EXOC4: variants seen among roughly 807,000 people sequenced by gnomAD.
The protein encoded by EXOC4 is exocyst complex component 4.
Under a neutral mutation model 107.2 loss-of-function variants are expected in EXOC4, and 71 were observed. That is an observed-to-expected ratio of 0.66 (90% CI 0.55 to 0.81). EXOC4 has a LOEUF of 0.81. Ranked by LOEUF, EXOC4 falls within the 30% of genes least tolerant of loss-of-function variation. EXOC4 has a pLI of 0.00. For missense variants in EXOC4, 1,108 were observed against 1,189.6 expected, an observed-to-expected ratio of 0.93 and a Z score of 1.01; for synonymous variants, 456 against 441.2, an observed-to-expected ratio of 1.03 and a Z score of -0.42.
chr7:133,983,513 CTGTT>C (rs957975112), intron 14 of EXOC4, among the ~76,000 whole-genome samples: 29 of 152,110 alleles, frequency 1.9e-4, no homozygotes, highest in Admixed American at 1.3e-4. Flanking sequence ...TGCTTTATTT[CTGTT>C]TGGTTCAGTT....
chr7:133,742,851 A>G (rs552855047), intron 10 of EXOC4, among the ~76,000 whole-genome samples: 1 of 152,206 alleles, frequency 6.6e-6, no homozygotes. Context: ...AATATGTGTT[A>G]AAAATACGGG....
chr7:133,923,329 A>G (rs1799981230), intron 13 of EXOC4, among the ~76,000 whole-genome samples: 1 of 151,972 alleles, frequency 6.6e-6, no homozygotes, highest in South Asian at 2.1e-4. Flanking sequence ...GGGTTTCACC[A>G]TATTGGCCAG....
chr7:133,708,610 C>T (rs972951220), intron 10 of EXOC4, among the ~76,000 whole-genome samples: 3 of 152,008 alleles, frequency 2.0e-5, no homozygotes, highest in Admixed American at 6.6e-5. Flanking sequence ...GGGTTCTTCC[C>T]GTTCATTCTC....
chr7:133,561,860 G>A (rs1485768829), intron 9 of EXOC4, among the ~76,000 whole-genome samples: 1 of 152,230 alleles, frequency 6.6e-6, no homozygotes, highest in African/African-American at 2.4e-5. Flanking sequence ...CCCGCTTTGC[G>A]CCCTGAACTG....
rs189040926 is a variant in EXOC4 at position 133,986,338 on chromosome 7, G to A, written c.2207-11154G>A. Among the ~76,000 whole-genome samples, 36 of 152,328 alleles carry A rather than the reference G, an allele frequency of 2.4e-4. 1 individual carries two copies. The highest frequency in any genetic ancestry group is 2.2e-3 in the Admixed American group (33 of 15,292). ...TTTCTTAGATAAGGCCCATCCTTAT[G>A]TAGAAACATAGCAAAAGAACTTAAA... is the stretch of plus-strand genomic sequence containing the variant. On this transcript the variant is annotated intron_variant, in intron 14 of 17. Transcript: ENST00000253861.
intron 5 of EXOC4, among the ~76,000 whole-genome samples, chr7:133,356,008 A>G (rs1486997788): frequency 1.3e-5 from 2 of 152,184 alleles, no homozygotes; most frequent in Non-Finnish European, 2.9e-5. Flanking sequence ...ATGGCATTTT[A>G]TAAACAGCGA....
intron 5 of EXOC4, among the ~76,000 whole-genome samples, chr7:133,351,815 CTA>C (rs1795917539): frequency 6.6e-6 from 1 of 151,854 alleles, no homozygotes; most frequent in South Asian, 2.1e-4. Flanking sequence ...GCATTTATAA[CTA>C]TAAATTTCTC....
At chr7:133,852,103 T>C (rs530504379) in intron 11 of EXOC4, among the ~76,000 whole-genome samples, 1 of 152,326 alleles carries the variant, frequency 6.6e-6, no homozygotes, top group South Asian at 2.1e-4. Context: ...TCAAGCCTTA[T>C]TAGAATAATG....
intron 14 of EXOC4, among the ~76,000 whole-genome samples, chr7:133,956,188 T>G (rs1390710757): frequency 6.6e-6 from 1 of 152,200 alleles, no homozygotes; most frequent in East Asian, 1.9e-4. Context: ...TGTTCTTTTT[T>G]TTTTCTTTGT....
At chr7:133,335,140 T>A (rs2150612890) in intron 5 of EXOC4, among the ~76,000 whole-genome samples, 3 of 152,332 alleles carry the variant, frequency 2.0e-5, no homozygotes, top group East Asian at 3.9e-4. Flanking sequence ...AGAAGAGGGA[T>A]AGCTCAATCA....
At chr7:133,585,026 T>A (rs1162471470) in intron 9 of EXOC4, among the ~76,000 whole-genome samples, 1 of 152,236 alleles carries the variant, frequency 6.6e-6, no homozygotes, top group Middle Eastern at 3.2e-3. Flanking sequence ...TAATTTATTT[T>A]TTTGAATGTA....
chr7:133,494,735 A>G (rs1799440521), intron 9 of EXOC4, among the ~76,000 whole-genome samples: 1 of 152,176 alleles, frequency 6.6e-6, no homozygotes, highest in African/African-American at 2.4e-5. Flanking sequence ...ATTCTAACCA[A>G]TTGAAATCCT....
intron 10 of EXOC4, among the ~76,000 whole-genome samples, chr7:133,735,046 TAAAA>T (rs3076789): frequency 2.1e-5 from 2 of 94,736 alleles, no homozygotes; most frequent in African/African-American, 4.4e-5. Flanking sequence ...CCGTCTCTGC[TAAAA>T]AAAAAAAAAA....
At chr7:133,549,420 A>C (rs1233347187) in intron 9 of EXOC4, among the ~76,000 whole-genome samples, 2 of 152,086 alleles carry the variant, frequency 1.3e-5, no homozygotes, top group Admixed American at 1.3e-4. Context: ...CGGAGGAGAG[A>C]GAGAGAGATG....
At chr7:133,585,940 C>G (rs1264920326) in intron 9 of EXOC4, among the ~76,000 whole-genome samples, 1 of 152,122 alleles carries the variant, frequency 6.6e-6, no homozygotes, top group Admixed American at 6.5e-5. Flanking sequence ...AGTGATCTGC[C>G]TGCCTCGGCC....
Position 133,533,996 on chromosome 7 carries a change from T to C in EXOC4, c.1417+53858T>C, listed in dbSNP as rs550578938. Among the ~76,000 whole-genome samples the C allele has an allele frequency of 1.4e-3, 219 of 152,248 alleles. 7 individuals are homozygous for C. The South Asian group carries it at 0.045, about 31-fold the overall frequency. The stretch of plus-strand genomic sequence containing the variant: ...CTTCAAGTCTTTGCAAATGACAAAA[T>C]GAGAAAAGTCCACAAGGCATTTGAG... On this transcript the variant is annotated intron_variant, in intron 9 of 17. Coordinates refer to ENST00000253861, the MANE Select transcript of EXOC4 (RefSeq NM_021807.4).
chr7:134,046,907 G>A (rs1795667453), intron 17 of EXOC4, among the ~76,000 whole-genome samples: 1 of 152,182 alleles, frequency 6.6e-6, no homozygotes, highest in Non-Finnish European at 1.5e-5. Flanking sequence ...GGGGGCAAAT[G>A]TTGCGCTCCA....
chr7:133,795,948 C>T (rs890454128), intron 10 of EXOC4, among the ~76,000 whole-genome samples: 3 of 152,144 alleles, frequency 2.0e-5, no homozygotes, highest in African/African-American at 7.2e-5. Flanking sequence ...CATATTTACT[C>T]TTCTTAGAAC....
chr7:133,870,158 A>T (rs993825504), intron 11 of EXOC4, among the ~76,000 whole-genome samples: 1 of 152,158 alleles, frequency 6.6e-6, no homozygotes, highest in Non-Finnish European at 1.5e-5. Flanking sequence ...GCATCCCTTT[A>T]TGAGCTCATG....
Sources: allele counts gnomAD v4.1 joint callset (sites outside exome capture counted in the v4.1 genomes callset), GRCh38; gene constraint gnomAD v4.1.1; transcripts MANE v1.5; gene names NCBI Gene and HGNC (gene_info 2026-07-23, HGNC 2026-07-21).